FBXO31: variants seen among roughly 807,000 people sequenced by gnomAD.
FBXO31 encodes F-box only protein 31.
A neutral mutation model predicts 54.4 loss-of-function variants in FBXO31; 24 were observed. The ratio of observed to expected loss-of-function variants is 0.44; its 90% CI spans 0.32 to 0.62. The LOEUF (loss-of-function observed/expected upper bound fraction) is 0.62, where lower values mean the gene tolerates loss of function less well. FBXO31 is among the 20% of genes least tolerant of loss of function. FBXO31 has a pLI of 0.05. For synonymous variants in FBXO31, 388 were observed against 335.6 expected, an observed-to-expected ratio of 1.16 and a Z score of -1.71; for missense variants, 665 against 787.1, an observed-to-expected ratio of 0.84 and a Z score of 1.86.
At chr16:87,356,880 G>A (rs1049912149) in intron 2 of FBXO31, among the ~76,000 whole-genome samples, 1 of 152,142 alleles carries the variant, frequency 6.6e-6, no homozygotes, top group Non-Finnish European at 1.5e-5. Flanking sequence ...AGGGCAGGTA[G>A]GTGTTTTCAA....
intron 5 of FBXO31, among the ~76,000 whole-genome samples, chr16:87,341,166 G>A (rs1371771048): frequency 2.0e-5 from 3 of 152,166 alleles, no homozygotes; most frequent in Non-Finnish European, 4.4e-5. Context: ...AGGAGCACAT[G>A]TTGTTATATT....
chr16:87,360,485 G>A (rs1387810315), intron 1 of FBXO31, 119 bp from the exon 2 acceptor site: 1 of 768,538 alleles, frequency 1.3e-6, no homozygotes, highest in Non-Finnish European at 2.2e-6. Flanking sequence ...CATCTCCAGA[G>A]TGCATCTGTC....
rs1454321169 is a variant in FBXO31, at chr16:87,349,567, C to T, written c.413-2317G>A. 1.2e-4 allele frequency among the ~76,000 whole-genome samples: 18 copies of T among 152,234 alleles called. No individual in the cohort carries two copies. The South Asian group carries it at 2.7e-3, about 23-fold the overall frequency. On this transcript the variant is annotated intron_variant, in intron 2 of 8. Coordinates refer to ENST00000311635, the MANE Select transcript of FBXO31 (RefSeq NM_024735.5). The stretch of plus-strand genomic sequence containing the variant: ...TCTACTTAAAATACAAAAAATTAGC[C>T]AGGCATAGTGGCAAGTGCCTGTAAT...
At chr16:87,369,973 T>C (rs563755354) in intron 1 of FBXO31, among the ~76,000 whole-genome samples, 2 of 152,338 alleles carry the variant, frequency 1.3e-5, no homozygotes, top group East Asian at 3.9e-4. Flanking sequence ...TGCCCTTTCA[T>C]GACTCAACTG....
chr16:87,341,031 G>A (rs770143027), intron 5 of FBXO31, among the ~76,000 whole-genome samples: 8 of 152,050 alleles, frequency 5.3e-5, no homozygotes, highest in Non-Finnish European at 1.2e-4. Flanking sequence ...ACCACAGAGA[G>A]CTCCTGATCC....
At chr16:87,350,538 G>A in intron 2 of FBXO31, among the ~76,000 whole-genome samples, 1 of 152,170 alleles carries the variant, frequency 6.6e-6, no homozygotes, top group East Asian at 1.9e-4. Flanking sequence ...ACAATGAAAT[G>A]CACACTGAAG....
Position 87,329,457 on chromosome 16 carries a change from G to A in FBXO31, c.*1831C>T, listed in dbSNP as rs1904766526. 1 of 152,292 alleles carries A rather than the reference G, an allele frequency of 6.6e-6. No individual in the cohort carries two copies. The highest frequency in any genetic ancestry group is 6.5e-5 in the Admixed American group (1 of 15,292). 9.4% of individuals were successfully genotyped at this position (152,292 alleles called of 1,614,324 possible). On this transcript the variant is annotated 3_prime_UTR_variant, in exon 9 of 9. Transcript: ENST00000311635. ...CGAGGCTCGGGCTCTTGGTAAAAAAGCATTTGCTTGATTTTATTTAAACAA... is the reference window on the plus strand; with the variant it reads ...CGAGGCTCGGGCTCTTGGTAAAAAAACATTTGCTTGATTTTATTTAAACAA...
rs566321081 is a variant in FBXO31 at position 87,331,584 on chromosome 16, C to T, written c.1398-74G>A. On this transcript the variant is annotated intron_variant, in intron 8 of 8. Coordinates refer to ENST00000311635, the MANE Select transcript of FBXO31 (RefSeq NM_024735.5). ...AATGCACGCCACGTACAGCATTCTG[C>T]GACCCCGCTCTGTGCCGCAAGAGCC... The T allele has an allele frequency of 1.3e-5, 16 of 1,249,030 alleles. No homozygotes were observed. In the African/African-American group the frequency reaches 1.5e-4, roughly 12 times the overall value. 77.4% of individuals were successfully genotyped at this position (1,249,030 alleles called of 1,614,324 possible).
rs1180620983 is a variant in FBXO31, at chr16:87,364,912, T to C, written c.341-4546A>G. On this transcript the variant is annotated intron_variant, in intron 1 of 8. Transcript: ENST00000311635. Reference sequence around the variant, plus strand: ...TGGCACACTACTCAGGAGGCTGATGTGGGAAGATCATCTGAGTCCAGGAGG... The same window carrying C: ...TGGCACACTACTCAGGAGGCTGATGCGGGAAGATCATCTGAGTCCAGGAGG... Among the ~76,000 whole-genome samples the C allele has an allele frequency of 4.8e-5, 7 of 145,852 alleles. No individual in the cohort carries two copies. The East Asian group carries it at 8.3e-4, about 17-fold the overall frequency.
intron 2 of FBXO31, among the ~76,000 whole-genome samples, chr16:87,350,037 G>A (rs527306401): frequency 2.0e-5 from 3 of 152,284 alleles, no homozygotes; most frequent in Non-Finnish European, 2.9e-5. Context: ...CAGTCCACAT[G>A]TTGGCGAACA....
At chr16:87,347,497 G>A (rs144748049) in intron 2 of FBXO31, among the ~76,000 whole-genome samples, 2,174 of 152,142 alleles carry the variant, frequency 0.014, 31 homozygotes, top group Admixed American at 0.02. Context: ...TGGCTAACAC[G>A]GTGAAACCCC....
rs577332453 is a variant in FBXO31 at position 87,380,472 on chromosome 16, G to A, written c.340+2933C>T. Among the ~76,000 whole-genome samples, 6 of 152,150 alleles carry A rather than the reference G, an allele frequency of 3.9e-5. No homozygotes were observed. The East Asian group carries it at 9.7e-4, about 25-fold the overall frequency. ...ACTGGAGTGCAGTAGCATGTTCACA[G>A]CTCACTGCAGCCTCGACCGCCTCAG... On this transcript the variant is annotated intron_variant, in intron 1 of 8. Coordinates refer to ENST00000311635, the MANE Select transcript of FBXO31 (RefSeq NM_024735.5).
rs1006883814 is a variant in FBXO31, at chr16:87,338,277, G to T, written c.733-2013C>A. Among the ~76,000 whole-genome samples the T allele has an allele frequency of 6.6e-6, 1 of 150,982 alleles. No individual in the cohort carries two copies. The highest frequency in any genetic ancestry group is 1.5e-5 in the Non-Finnish European group (1 of 67,862). On this transcript the variant is annotated intron_variant, in intron 5 of 8. Transcript: ENST00000311635. The surrounding 1 kb of genome is among the most constrained non-coding windows in gnomAD (Gnocchi z 4.3). ...GGGAGCCCAGGACATGCACGACAAC[G>T]ATCAACTTCACGTTGACCCAGGGCC...
rs1904858589 is a variant in FBXO31 at position 87,331,514 on chromosome 16, A to G, written c.1398-4T>C. 1 of 1,592,106 alleles carries G rather than the reference A, an allele frequency of 6.3e-7. No individual in the cohort carries two copies. The highest frequency in any genetic ancestry group is 1.1e-5 in the South Asian group (1 of 89,562). The stretch of plus-strand genomic sequence containing the variant: ...GATGAGGCCTGTGCCATAAAAACTG[A>G]GCAGAAACAAGAGGGAAACTGTGAG... On this transcript the variant is annotated splice_region_variant and splice_polypyrimidine_tract_variant and intron_variant, in intron 8 of 8. Coordinates refer to ENST00000311635, the MANE Select transcript of FBXO31 (RefSeq NM_024735.5).
In FBXO31 at chr16:87,383,299, TGGTGGCCCCCGGCC is replaced by T; in HGVS notation, c.340+92_340+105del. ...CACATCGCCGGGCCCCGCGCCCAAC[TGGTGGCCCCCGGCC>T]GGGGCCACCGCCCCCGCCACTCCCA... On this transcript the variant is annotated intron_variant, in intron 1 of 8. Coordinates refer to ENST00000311635, the MANE Select transcript of FBXO31 (RefSeq NM_024735.5). The surrounding 1 kb of genome is among the most constrained non-coding windows in gnomAD (Gnocchi z 4.9). The T allele has an allele frequency of 9.1e-7, 1 of 1,096,628 alleles. No homozygotes were observed. Among genetic ancestry groups the T allele is most frequent in the Non-Finnish European group, 1.2e-6 (1 of 811,574 alleles). The allele number at this position is 1,096,628 out of a possible 1,614,324, so 67.9% of individuals were successfully genotyped here.
chr16:87,361,992 G>A (rs996966590), intron 1 of FBXO31, among the ~76,000 whole-genome samples: 1 of 152,208 alleles, frequency 6.6e-6, no homozygotes, highest in Non-Finnish European at 1.5e-5. Context: ...AGGCTCCAGT[G>A]AGGAGTGCCC....
chr16:87,387,808 G>C (rs1266992778), upstream of FBXO31, among the ~76,000 whole-genome samples: 3 of 151,990 alleles, frequency 2.0e-5, no homozygotes, highest in African/African-American at 7.3e-5. Flanking sequence ...GGGCGACAGA[G>C]AGAAAAAAAA....
rs181937668 is a variant in FBXO31, at chr16:87,358,256, G to A, written c.412+2039C>T. The stretch of plus-strand genomic sequence containing the variant: ...TCTGTCACAGCTGAAGCAGAGCCAC[G>A]CTGCAGCAAGTGAACGTGAAAGGAT... On this transcript the variant is annotated intron_variant, in intron 2 of 8. Transcript: ENST00000311635. This position sits in a 1 kb window ranked among gnomAD's most constrained non-coding sequence, Gnocchi z 4.0. Among the ~76,000 whole-genome samples the A allele has an allele frequency of 6.6e-6, 1 of 152,038 alleles. No individual in the cohort carries two copies. Among genetic ancestry groups the A allele is most frequent in the Non-Finnish European group, 1.5e-5 (1 of 68,028 alleles).
upstream of FBXO31, among the ~76,000 whole-genome samples, chr16:87,390,623 T>G (rs549486569): frequency 3.6e-4 from 54 of 151,992 alleles, no homozygotes; most frequent in African/African-American, 1.2e-3. Context: ...GTATTTTTAG[T>G]AGAGATGGGG....
Sources: gnomAD v4.1 joint callset for allele counts (sites outside exome capture counted in the v4.1 genomes callset) on GRCh38, gnomAD v4.1.1 for gene constraint, Gnocchi (gnomAD v3.1) non-coding constraint, MANE v1.5 for transcripts, NCBI Gene and HGNC (gene_info 2026-07-23, HGNC 2026-07-21) for gene names.